Variants in MMP26 observed in about 807,000 individuals in gnomAD.
The protein encoded by MMP26 is matrix metalloproteinase-26.
A neutral mutation model predicts 31.0 loss-of-function variants in MMP26; 33 were observed. The observed-to-expected ratio is 1.06, with a 90% CI of 0.81 to 1.42. The LOEUF (loss-of-function observed/expected upper bound fraction) is 1.42. Ranked by LOEUF, MMP26 falls within the 40% of genes most tolerant of loss-of-function variation. The probability of loss-of-function intolerance (pLI) is 0.00; values close to 1 mark genes in which losing one functional copy is unlikely to be tolerated. For missense variants in MMP26, 347 were observed against 316.1 expected (o/e 1.10, Z -0.74); for synonymous variants, 122 against 114.9 (o/e 1.06, Z -0.40).
intron 1 of MMP26, among the ~76,000 whole-genome samples, chr11:4,743,736 G>T (rs985171803): frequency 6.6e-6 from 1 of 152,088 alleles, no homozygotes; most frequent in Non-Finnish European, 1.5e-5. Context: ...GTTTGATTCT[G>T]CTTAAATAAT....
At chr11:4,860,836 T>TA (rs1372545269) in intron 2 of MMP26, among the ~76,000 whole-genome samples, 2 of 152,108 alleles carry the variant, frequency 1.3e-5, no homozygotes, top group Non-Finnish European at 2.9e-5. Flanking sequence ...GTTTAGACAG[T>TA]AAAAAATTTT....
At chr11:4,735,761 T>C (rs1319420677) in intron 1 of MMP26, among the ~76,000 whole-genome samples, 2 of 150,838 alleles carry the variant, frequency 1.3e-5, no homozygotes, top group East Asian at 3.9e-4. Context: ...TAATAGACAA[T>C]AGTTCTAATT....
chr11:4,961,399 G>A (rs1318154430), intron 2 of MMP26, among the ~76,000 whole-genome samples: 1 of 152,114 alleles, frequency 6.6e-6, no homozygotes, highest in Non-Finnish European at 1.5e-5. Context: ...TTCCCACCCA[G>A]TCCTCTTACA....
At chr11:4,932,257 C>G (rs572509826) in intron 2 of MMP26, among the ~76,000 whole-genome samples, 3 of 151,856 alleles carry the variant, frequency 2.0e-5, no homozygotes, top group Non-Finnish European at 2.9e-5. Flanking sequence ...ACGGCAGCTC[C>G]AAATTATGTA....
At chr11:4,754,508 G>A (rs11033710) in intron 1 of MMP26, among the ~76,000 whole-genome samples, 10,528 of 151,882 alleles carry the variant, frequency 0.069, 671 homozygotes, top group African/African-American at 0.17. Context: ...AAATTAATCC[G>A]TTGTGGAAAT....
At chr11:4,749,343 A>G (rs530325601) in intron 1 of MMP26, among the ~76,000 whole-genome samples, 1 of 152,098 alleles carries the variant, frequency 6.6e-6, no homozygotes, top group African/African-American at 2.4e-5. Flanking sequence ...CAGGATTGTT[A>G]AAATGACCAT....
intron 2 of MMP26, among the ~76,000 whole-genome samples, chr11:4,825,344 T>G (rs1849565283): frequency 6.6e-6 from 1 of 152,172 alleles, no homozygotes; most frequent in African/African-American, 2.4e-5. Context: ...ACAGAAGATC[T>G]GTCAAACCTG....
At chr11:4,978,280 T>A (rs1302134503) in intron 2 of MMP26, among the ~76,000 whole-genome samples, 1 of 152,134 alleles carries the variant, frequency 6.6e-6, no homozygotes, top group African/African-American at 2.4e-5. Context: ...CCATTTAGCA[T>A]CAAAACAGGG....
intron 2 of MMP26, among the ~76,000 whole-genome samples, chr11:4,967,079 T>A (rs951812963): frequency 2.4e-4 from 37 of 152,220 alleles, no homozygotes; most frequent in African/African-American, 8.2e-4. Context: ...TATAACAAGT[T>A]GTCCAGCTTC....
At chr11:4,898,995 TG>T (rs1381614325) in intron 2 of MMP26, among the ~76,000 whole-genome samples, 1 of 152,144 alleles carries the variant, frequency 6.6e-6, no homozygotes, top group Non-Finnish European at 1.5e-5. Flanking sequence ...AATCTGGAAC[TG>T]GAACAACCCT....
chr11:4,821,612 T>G, intron 2 of MMP26: 1 of 1,614,016 alleles, frequency 6.2e-7, no homozygotes, highest in South Asian at 1.1e-5. Context: ...ATGTACTATT[T>G]CCTCTCTATG....
Position 4,705,045 on chromosome 11 carries a change from G to C in MMP26, c.-217G>C, listed in dbSNP as rs1013413568. 1.3e-5 allele frequency: 2 copies of C among 152,164 alleles called. No homozygotes were observed. Among genetic ancestry groups the C allele is most frequent in the Non-Finnish European group, 2.9e-5 (2 of 68,056 alleles). The allele number at this position is 152,164 out of a possible 1,614,324, so 9.4% of individuals were successfully genotyped here. On this transcript the variant is annotated splice_region_variant and 5_prime_UTR_variant, in exon 1 of 8. Coordinates refer to ENST00000380390, the MANE Select transcript of MMP26 (RefSeq NM_021801.5). Reference sequence around the variant, plus strand: ...CCAGACCCAAGAATTCTGTGCACAAGGTCAGTGTTGTAGTGCATTGAAGAC... The same window carrying C: ...CCAGACCCAAGAATTCTGTGCACAACGTCAGTGTTGTAGTGCATTGAAGAC...
chr11:4,786,509 T>A (rs140950716), intron 2 of MMP26, among the ~76,000 whole-genome samples: 22 of 145,800 alleles, frequency 1.5e-4, no homozygotes, highest in Non-Finnish European at 2.6e-4. Flanking sequence ...TTTTTTTTTT[T>A]TTTTTTTTTT....
intron 2 of MMP26, among the ~76,000 whole-genome samples, chr11:4,867,079 C>G (rs1161144896): frequency 6.6e-6 from 1 of 151,848 alleles, no homozygotes; most frequent in Non-Finnish European, 1.5e-5. Context: ...AAAAACTGAC[C>G]AATGGGAAAT....
At chr11:4,866,800 C>A (rs1296497106) in intron 2 of MMP26, among the ~76,000 whole-genome samples, 1 of 152,098 alleles carries the variant, frequency 6.6e-6, no homozygotes, top group Admixed American at 6.6e-5. Context: ...ACCATCTGAT[C>A]TTTGACAAAC....
intron 2 of MMP26, among the ~76,000 whole-genome samples, chr11:4,835,309 C>T (rs962389043): frequency 2.0e-5 from 3 of 151,874 alleles, no homozygotes; most frequent in Non-Finnish European, 2.9e-5. Flanking sequence ...AGAGATCTGG[C>T]TTTTGCAAGG....
chr11:4,967,785 C>A (rs1846616429), intron 2 of MMP26, among the ~76,000 whole-genome samples: 1 of 152,018 alleles, frequency 6.6e-6, no homozygotes, highest in Admixed American at 6.6e-5. Flanking sequence ...AACTATTTTA[C>A]AAAGATATAA....
intron 2 of MMP26, among the ~76,000 whole-genome samples, chr11:4,984,920 G>A (rs537712860): frequency 5.3e-5 from 8 of 152,224 alleles, no homozygotes; most frequent in African/African-American, 1.9e-4. Context: ...AGAAGTCTAT[G>A]TTCAGAACAC....
rs1374936892 is a variant in MMP26, at chr11:4,952,659, G to A, written c.-144-35409G>A. 2.4e-5 allele frequency among the ~76,000 whole-genome samples: 3 copies of A among 125,012 alleles called. 1 individual carries two copies. The highest frequency in any genetic ancestry group is 3.6e-5 in the Non-Finnish European group (2 of 55,184). 82.0% of individuals were successfully genotyped at this position (125,012 alleles called of 152,430 possible). On this transcript the variant is annotated intron_variant, in intron 2 of 7. Transcript: ENST00000380390. ...AGATTAGGTTTGAATCCCAGCTTTT[G>A]ATTTCCTCTCTGTGTGAGTTTCATA...
Sources: gnomAD v4.1 joint callset for allele counts (sites outside exome capture counted in the v4.1 genomes callset) on GRCh38, gnomAD v4.1.1 for gene constraint, MANE v1.5 for transcripts, NCBI Gene and HGNC (gene_info 2026-07-23, HGNC 2026-07-21) for gene names.